OCSTAMP: variants seen among roughly 807,000 people sequenced by gnomAD.
The protein encoded by OCSTAMP is transmembrane protein C20orf123.
Under a neutral mutation model 25.2 loss-of-function variants are expected in OCSTAMP, and 17 were observed. That is an observed-to-expected ratio of 0.68 (90% CI 0.46 to 1.01). The LOEUF (loss-of-function observed/expected upper bound fraction) is 1.01. Ranked by LOEUF, OCSTAMP falls within the 50% of genes least tolerant of loss-of-function variation. The pLI, the probability that OCSTAMP is intolerant of heterozygous loss-of-function variation, is 0.00. For synonymous variants in OCSTAMP, 345 were observed against 318.9 expected, an observed-to-expected ratio of 1.08 and a Z score of -0.87; for missense variants, 664 against 694.6, an observed-to-expected ratio of 0.96 and a Z score of 0.50.
chr20:46,543,890 T>C (rs1182509890), intron 2 of OCSTAMP, among the ~76,000 whole-genome samples: 1 of 152,130 alleles, frequency 6.6e-6, no homozygotes, highest in East Asian at 1.9e-4. Context: ...CTGACACATT[T>C]CTTTACTGTG....
chr20:46,543,424 G>A (rs563532790), intron 2 of OCSTAMP, among the ~76,000 whole-genome samples: 1 of 150,512 alleles, frequency 6.6e-6, no homozygotes, highest in Admixed American at 6.6e-5. Flanking sequence ...TGCCTCCCAG[G>A]TTCAAGCGAT....
chr20:46,541,183 A>G lies in OCSTAMP; in HGVS notation c.*91T>C, dbSNP rs903095150. On this transcript the variant is annotated 3_prime_UTR_variant, in exon 3 of 3. Transcript: ENST00000279028. ...ATCTAACAAGTAGAGCAGTTGGTGC[A>G]GATGAGATGAGCCTGATCGCCAACC... The G allele has an allele frequency of 1.5e-6, 1 of 654,254 alleles. No homozygotes were observed. The highest frequency in any genetic ancestry group is 2.3e-5 in the Admixed American group (1 of 43,746). The allele number at this position is 654,254 out of a possible 1,614,324, so 40.5% of individuals were successfully genotyped here. A position where few individuals can be genotyped will look rare whatever the true frequency, so the allele number is the denominator to read the frequency against.
Position 46,541,344 on chromosome 20 carries a change from T to G in OCSTAMP, c.1631A>C (p.Asp544Ala), listed in dbSNP as rs2061833249. 2.6e-6 allele frequency: 2 copies of G among 773,530 alleles called. No homozygotes were observed. Among genetic ancestry groups the G allele is most frequent in the African/African-American group, 1.7e-5 (1 of 58,140 alleles). The allele number at this position is 773,530 out of a possible 1,614,324, so 47.9% of individuals were successfully genotyped here. A position where few individuals can be genotyped will look rare whatever the true frequency, so the allele number is the denominator to read the frequency against. Residue 544 changes from aspartate to alanine, a missense_variant, in exon 3 of 3, where the codon GAT (aspartate) becomes GCT (alanine). By Grantham distance (126) the Asp-to-Ala change is moderately radical. Coordinates refer to ENST00000279028, the MANE Select transcript of OCSTAMP (RefSeq NM_080721.3). ...HLHNDSIFTI[D>A]VTYFPRRDVV... Reference sequence around the variant, plus strand: ...ATCCCTGCGTGGGAAGTAGGTCACATCAATGGTAAATATGCTGTCGTTATG... The same window carrying G: ...ATCCCTGCGTGGGAAGTAGGTCACAGCAATGGTAAATATGCTGTCGTTATG...
Position 46,545,805 on chromosome 20 carries a change from T to TG in OCSTAMP, c.568dup (p.Gln190ProfsTer66). 1.9e-6 allele frequency: 3 copies of TG among 1,551,378 alleles called. No individual in the cohort carries two copies. Among genetic ancestry groups the TG allele is most frequent in the Non-Finnish European group, 2.6e-6 (3 of 1,146,998 alleles). On this transcript the variant is annotated frameshift_variant, in exon 2 of 3. Coordinates refer to ENST00000279028, the MANE Select transcript of OCSTAMP (RefSeq NM_080721.3). LOFTEE classifies it high-confidence loss of function. ...AAGGTAGAAGGCAGAGCCATTGTCC[T>TG]GGGCCTCAAATGTCAGGCCCCGGCT...
rs564960895 is a variant in OCSTAMP, at chr20:46,545,517, G to A, written c.857C>T (p.Ala286Val). 29 of 1,551,286 alleles carry A rather than the reference G, an allele frequency of 1.9e-5. No individual in the cohort carries two copies. The highest frequency in any genetic ancestry group is 1.5e-4 in the East Asian group (6 of 40,914). ...LAPPPTWLLQAAQLRLSQEEL... is the reference protein window; with the variant it reads ...LAPPPTWLLQVAQLRLSQEEL... The stretch of plus-strand genomic sequence containing the variant: ...CTCCTGTGACAGCCTCAGCTGAGCC[G>A]CCTGGAGCAGCCAGGTGGGTGGAGG... Residue 286 changes from alanine (A) to valine (V), a missense_variant, in exon 2 of 3, where the codon GCG (alanine) becomes GTG (valine). By Grantham distance (64) the Ala-to-Val change is moderately conservative (BLOSUM62 0). Transcript: ENST00000279028.
chr20:46,543,692 A>G (rs2061842695), intron 2 of OCSTAMP, among the ~76,000 whole-genome samples: 1 of 152,188 alleles, frequency 6.6e-6, no homozygotes, highest in Admixed American at 6.5e-5. Context: ...AACCTATGTT[A>G]AATAATAAGT....
chr20:46,550,631 A>G lies in OCSTAMP; in HGVS notation c.-71T>C. The G allele has an allele frequency of 1.4e-6, 2 of 1,412,032 alleles. No homozygotes were observed. Among genetic ancestry groups the G allele is most frequent in the Non-Finnish European group, 2.0e-6 (2 of 1,021,020 alleles). The allele number at this position is 1,412,032 out of a possible 1,614,324, so 87.5% of individuals were successfully genotyped here. On this transcript the variant is annotated 5_prime_UTR_variant, in exon 1 of 3. Transcript: ENST00000279028. Reference sequence around the variant, plus strand: ...GTGGCAGGTGGAGAGGAAGTGGGGGAATCGCTGGGACTTGGGAATCCCTGC... The same window carrying G: ...GTGGCAGGTGGAGAGGAAGTGGGGGGATCGCTGGGACTTGGGAATCCCTGC...
chr20:46,542,440 G>A (rs1225344876), intron 2 of OCSTAMP, among the ~76,000 whole-genome samples: 1 of 152,034 alleles, frequency 6.6e-6, no homozygotes, highest in African/African-American at 2.4e-5. Flanking sequence ...AATTAGCTGG[G>A]TGTGTTGGCA....
Position 46,541,701 on chromosome 20 carries a change from A to T in OCSTAMP, c.1274T>A (p.Leu425Gln). 6.5e-7 allele frequency: 1 copy of T among 1,549,218 alleles called. No homozygotes were observed. The highest frequency in any genetic ancestry group is 8.7e-7 in the Non-Finnish European group (1 of 1,146,804). The change falls in exon 3 of 3, where the codon CTG becomes CAG. Residue 425 changes from leucine (L) to glutamine (Q), a missense_variant. Physicochemically the swap from Leu to Gln is moderately radical, Grantham distance 113. Transcript: ENST00000279028. ...GAAGGAAGCGGCGATGGCATGCCGC[A>T]GGCGGCGGGCGTAGGCCTCCAGGAG... ...TVLLEAYARR[L>Q]RHAIAASFFT... is the part of the protein sequence containing the mutation.
rs117946245 is a variant in OCSTAMP at position 46,547,756 on chromosome 20, G to A, written c.45-1427C>T. Among the ~76,000 whole-genome samples, 1,304 of 152,236 alleles carry A rather than the reference G, an allele frequency of 8.6e-3. 6 individuals carry two copies. Among genetic ancestry groups the A allele is most frequent in the Middle Eastern group, 0.017 (5 of 294 alleles). ...AACACAGATACAGACAACTCTTTCC[G>A]GTAATTTCTACACTAAAACAGCAGG... is the stretch of plus-strand genomic sequence containing the variant. On this transcript the variant is annotated intron_variant, in intron 1 of 2. Coordinates refer to ENST00000279028, the MANE Select transcript of OCSTAMP (RefSeq NM_080721.3).
rs1445565345 is a variant in OCSTAMP at position 46,546,055 on chromosome 20, C to G, written c.319G>C (p.Ala107Pro). The change falls in exon 2 of 3, where the codon GCA (alanine) becomes CCA (proline). Residue 107 changes from alanine (A) to proline (P), a missense_variant. By Grantham distance (27) the Ala-to-Pro change is conservative. Transcript: ENST00000279028. ...ATACCCAGGGTGGGCACGCTGAGTG[C>G]AAACAGGCAGCGGACTGGGGGTACC... ...GLVPPVRCLF[A>P]LSVPTLGMEQ... 9 of 1,551,470 alleles carry G rather than the reference C, an allele frequency of 5.8e-6. No homozygotes were observed. The highest frequency in any genetic ancestry group is 7.0e-6 in the Non-Finnish European group (8 of 1,147,020).
Position 46,541,188 on chromosome 20 carries a change from A to T in OCSTAMP, c.*86T>A. On this transcript the variant is annotated 3_prime_UTR_variant, in exon 3 of 3. Transcript: ENST00000279028. Reference sequence around the variant, plus strand: ...ACAAGTAGAGCAGTTGGTGCAGATGAGATGAGCCTGATCGCCAACCAGCCT... The same window carrying T: ...ACAAGTAGAGCAGTTGGTGCAGATGTGATGAGCCTGATCGCCAACCAGCCT... The T allele has an allele frequency of 1.5e-6, 1 of 661,986 alleles. No individual in the cohort carries two copies. Among genetic ancestry groups the T allele is most frequent in the Admixed American group, 2.2e-5 (1 of 45,616 alleles). The allele number at this position is 661,986 out of a possible 1,614,324, so 41.0% of individuals were successfully genotyped here.
chr20:46,544,387 T>A (rs186075957), intron 2 of OCSTAMP, among the ~76,000 whole-genome samples: 5 of 152,344 alleles, frequency 3.3e-5, no homozygotes, highest in Non-Finnish European at 1.5e-5. Flanking sequence ...TATTTATGAC[T>A]CCTTAAATTG....
chr20:46,541,373 A>G lies in OCSTAMP; in HGVS notation c.1602T>C (p.His534=). The G allele has an allele frequency of 1.2e-6, 1 of 856,804 alleles. No homozygotes were observed. The highest frequency in any genetic ancestry group is 2.0e-6 in the Non-Finnish European group (1 of 511,990). The allele number at this position is 856,804 out of a possible 1,614,324, so 53.1% of individuals were successfully genotyped here. ...SLHLSEPRFL[H]LHNDSIFTID... is the part of the protein sequence containing the mutation. Reference sequence around the variant, plus strand: ...TGGTAAATATGCTGTCGTTATGCAGATGTAGAAACCGAGGCTCAGAGAGGT... The same window carrying G: ...TGGTAAATATGCTGTCGTTATGCAGGTGTAGAAACCGAGGCTCAGAGAGGT... Residue 534 remains histidine, a synonymous_variant, in exon 3 of 3, where the codon CAT becomes CAC. Coordinates refer to ENST00000279028, the MANE Select transcript of OCSTAMP (RefSeq NM_080721.3).
rs2061834717 is a variant in OCSTAMP at position 46,541,658 on chromosome 20, C to T, written c.1317G>A (p.Ala439=). The change falls in exon 3 of 3, where the codon GCG becomes GCA. Residue 439 remains alanine (A), a synonymous_variant. Coordinates refer to ENST00000279028, the MANE Select transcript of OCSTAMP (RefSeq NM_080721.3). ...GGGCGTGCAGGTGGCGGACCCTCCT[C>T]GCCTCCTGGGCTGTGAAGAAGGAAG... ...IAASFFTAQE[A]RRVRHLHARL... is the part of the protein sequence containing the mutation. The T allele has an allele frequency of 2.6e-6, 4 of 1,550,888 alleles. No individual in the cohort carries two copies. The highest frequency in any genetic ancestry group is 1.2e-5 in the South Asian group (1 of 84,052).
At chr20:46,549,998 C>T (rs16991467) in intron 1 of OCSTAMP, among the ~76,000 whole-genome samples, 6,386 of 152,208 alleles carry the variant, frequency 0.042, 336 homozygotes, top group African/African-American at 0.12. Context: ...AGACTGCATC[C>T]TGCTGATCAA....
At chr20:46,541,983 C>T in intron 2 of OCSTAMP, 56 bp from the exon 3 acceptor site, 2 of 1,386,738 alleles carry the variant, frequency 1.4e-6, no homozygotes, top group Non-Finnish European at 1.9e-6. Flanking sequence ...CCACTCCCCA[C>T]CTCTAGGAGA....
At chr20:46,542,947 C>T (rs1446536973) in intron 2 of OCSTAMP, among the ~76,000 whole-genome samples, 1 of 152,150 alleles carries the variant, frequency 6.6e-6, no homozygotes, top group Non-Finnish European at 1.5e-5. Context: ...TCAGAGAGTG[C>T]CAGCCTCAAA....
chr20:46,547,836 A>G (rs1440133743), intron 1 of OCSTAMP, among the ~76,000 whole-genome samples: 1 of 152,232 alleles, frequency 6.6e-6, no homozygotes, highest in African/African-American at 2.4e-5. Flanking sequence ...AATTCATGTA[A>G]AGGGAGGAAA....
Sources: gnomAD v4.1 joint callset for allele counts (sites outside exome capture counted in the v4.1 genomes callset) on GRCh38, gnomAD v4.1.1 for gene constraint, MANE v1.5 for transcripts, NCBI Gene and HGNC (gene_info 2026-07-23, HGNC 2026-07-21) for gene names.